Variants in MEGF9 observed in about 807,000 individuals in gnomAD.
The protein encoded by MEGF9 is multiple epidermal growth factor-like domains protein 9.
A neutral mutation model predicts 46.8 loss-of-function variants in MEGF9; 6 were observed. The ratio of observed to expected loss-of-function variants is 0.13; its 90% CI spans 0.07 to 0.25. The LOEUF (loss-of-function observed/expected upper bound fraction) is 0.25, where lower values mean the gene tolerates loss of function less well. Ranked by LOEUF, MEGF9 falls within the 10% of genes least tolerant of loss-of-function variation. The probability of loss-of-function intolerance (pLI) is 1.00; values close to 1 mark genes in which losing one functional copy is unlikely to be tolerated. For missense variants in MEGF9, 683 were observed against 792.4 expected (o/e 0.86, Z 1.66); for synonymous variants, 302 against 330.7 (o/e 0.91, Z 0.94).
intron 2 of MEGF9, among the ~76,000 whole-genome samples, chr9:120,635,471 A>G (rs890783436): frequency 6.6e-6 from 1 of 152,264 alleles, no homozygotes; most frequent in East Asian, 1.9e-4. Context: ...ATGGTGTCCC[A>G]TAAGTCTTGT....
chr9:120,693,512 T>G (rs750081810), intron 1 of MEGF9, among the ~76,000 whole-genome samples: 1 of 152,194 alleles, frequency 6.6e-6, no homozygotes, highest in African/African-American at 2.4e-5. Flanking sequence ...ATGCTTACAT[T>G]CTGATAAACT....
intron 1 of MEGF9, among the ~76,000 whole-genome samples, chr9:120,701,013 G>A (rs2132343386): frequency 6.6e-6 from 1 of 151,764 alleles, no homozygotes; most frequent in East Asian, 1.9e-4. Context: ...CAGCTACTTG[G>A]GAGGCTGAGG....
chr9:120,664,739 C>A (rs915391993), intron 1 of MEGF9, among the ~76,000 whole-genome samples: 2 of 152,108 alleles, frequency 1.3e-5, no homozygotes, highest in African/African-American at 4.8e-5. Context: ...GTGGCTATAA[C>A]TAATACAGAG....
At chr9:120,665,337 C>T (rs2043720360) in intron 1 of MEGF9, among the ~76,000 whole-genome samples, 1 of 152,198 alleles carries the variant, frequency 6.6e-6, no homozygotes, top group Admixed American at 6.5e-5. Context: ...TCCTAAGTAG[C>T]TGGGATTACA....
chr9:120,690,690 T>A (rs1322115188), intron 1 of MEGF9, among the ~76,000 whole-genome samples: 1 of 152,122 alleles, frequency 6.6e-6, no homozygotes, highest in East Asian at 1.9e-4. Flanking sequence ...AGTTCCACTA[T>A]CAATAGACCA....
intron 1 of MEGF9, among the ~76,000 whole-genome samples, chr9:120,712,189 C>T (rs1156987627): frequency 6.6e-6 from 1 of 152,142 alleles, no homozygotes. Context: ...GCCTGGGAGG[C>T]AGAGGTTGCA....
intron 1 of MEGF9, among the ~76,000 whole-genome samples, chr9:120,711,443 G>A (rs1156939092): frequency 2.0e-5 from 3 of 152,144 alleles, no homozygotes; most frequent in African/African-American, 2.4e-5. Flanking sequence ...TACCCTGTGT[G>A]TATGTTCATA....
intron 3 of MEGF9, among the ~76,000 whole-genome samples, chr9:120,620,289 T>G (rs1391012114): frequency 6.6e-6 from 1 of 152,214 alleles, no homozygotes; most frequent in Non-Finnish European, 1.5e-5. Context: ...ATCGACTCAG[T>G]ATAATGAAGT....
In MEGF9 at chr9:120,602,251, C is replaced by G. The variant is rs1474184488; in HGVS notation, c.*2939G>C. The G allele has an allele frequency of 6.6e-6, 1 of 152,448 alleles. No individual in the cohort carries two copies. Among genetic ancestry groups the G allele is most frequent in the Non-Finnish European group, 1.5e-5 (1 of 68,098 alleles). 9.4% of individuals were successfully genotyped at this position (152,448 alleles called of 1,614,324 possible). On this transcript the variant is annotated 3_prime_UTR_variant, in exon 6 of 6. Coordinates refer to ENST00000373930, the MANE Select transcript of MEGF9 (RefSeq NM_001080497.3). ...ACTCCTGACCTTGTGATCCACCCGC[C>G]TCGGCCTCCCAAAGTGCTGGGATTA...
At chr9:120,700,922 A>G (rs1207407334) in intron 1 of MEGF9, among the ~76,000 whole-genome samples, 1 of 149,426 alleles carries the variant, frequency 6.7e-6, no homozygotes, top group East Asian at 1.9e-4. Context: ...CTCTACCAAA[A>G]ATAATAATAA....
intron 2 of MEGF9, among the ~76,000 whole-genome samples, chr9:120,634,362 TAC>T (rs2043564049): frequency 6.6e-6 from 1 of 151,910 alleles, no homozygotes; most frequent in Non-Finnish European, 1.5e-5. Context: ...TGTCTCTTTT[TAC>T]AGTTTTTGAC....
At chr9:120,630,775 T>C (rs988498620) in intron 2 of MEGF9, among the ~76,000 whole-genome samples, 2 of 152,234 alleles carry the variant, frequency 1.3e-5, no homozygotes, top group African/African-American at 4.8e-5. Flanking sequence ...GTTGAGTACT[T>C]TTCATTTGTA....
intron 1 of MEGF9, among the ~76,000 whole-genome samples, chr9:120,675,658 G>A (rs927357034): frequency 1.3e-5 from 2 of 151,734 alleles, no homozygotes; most frequent in African/African-American, 2.4e-5. Flanking sequence ...GGAGGCCGAG[G>A]GGGGTGGATC....
chr9:120,615,963 T>C (rs1293404418), intron 3 of MEGF9, among the ~76,000 whole-genome samples: 1 of 152,122 alleles, frequency 6.6e-6, no homozygotes, highest in African/African-American at 2.4e-5. Flanking sequence ...ACTGTTTACA[T>C]TGCTTTAAGG....
At chr9:120,615,014 TGG>T (rs1486897886) in intron 3 of MEGF9, among the ~76,000 whole-genome samples, 1 of 151,664 alleles carries the variant, frequency 6.6e-6, no homozygotes, top group African/African-American at 2.4e-5. Flanking sequence ...CCAAGGCAGG[TGG>T]ATCACCTGAG....
At chr9:120,658,630 T>C (rs2043688002) in intron 2 of MEGF9, among the ~76,000 whole-genome samples, 1 of 152,202 alleles carries the variant, frequency 6.6e-6, no homozygotes, top group South Asian at 2.1e-4. Context: ...CAGGTTACAC[T>C]GAGTATAACC....
At chr9:120,704,004 T>C (rs1011649591) in intron 1 of MEGF9, among the ~76,000 whole-genome samples, 3 of 149,828 alleles carry the variant, frequency 2.0e-5, no homozygotes, top group African/African-American at 7.4e-5. Context: ...AAAGAGATTC[T>C]TACACTAGGA....
At chr9:120,608,058 T>C (rs766805997) in intron 4 of MEGF9, 48 bp from the exon 5 acceptor site, 2 of 1,593,054 alleles carry the variant, frequency 1.3e-6, no homozygotes, top group South Asian at 2.2e-5. Flanking sequence ...GAAGCTACAA[T>C]TAAAAATGCA....
intron 1 of MEGF9, among the ~76,000 whole-genome samples, chr9:120,663,178 G>C (rs2043710266): frequency 6.6e-6 from 1 of 152,124 alleles, no homozygotes; most frequent in African/African-American, 2.4e-5. Flanking sequence ...AAAAACCAAA[G>C]GAAAGGAAGA....
Sources: gnomAD v4.1 joint callset for allele counts (sites outside exome capture counted in the v4.1 genomes callset) on GRCh38, gnomAD v4.1.1 for gene constraint, MANE v1.5 for transcripts, NCBI Gene and HGNC (gene_info 2026-07-23, HGNC 2026-07-21) for gene names.